The following ERP44 variants were observed in gnomAD, a reference collection of about 807,000 sequenced individuals.
ERP44 encodes the protein endoplasmic reticulum resident protein 44.
A neutral mutation model predicts 53.4 loss-of-function variants in ERP44; 25 were observed. The ratio of observed to expected loss-of-function variants is 0.47; its 90% CI spans 0.34 to 0.65. ERP44 has a LOEUF of 0.65. ERP44 is among the 30% of genes least tolerant of loss of function. The pLI is 0.01. For missense variants in ERP44, 338 were observed against 493.2 expected (o/e 0.69, Z 2.98); for synonymous variants, 145 against 161.2 (o/e 0.90, Z 0.76).
chr9:100,049,658 T>C (rs540078281), intron 4 of ERP44, among the ~76,000 whole-genome samples: 2 of 152,356 alleles, frequency 1.3e-5, no homozygotes, highest in African/African-American at 4.8e-5. Flanking sequence ...TCATGTACTA[T>C]TAGTGGGTAT....
At position 100,097,198 on chromosome 9, in the gene ERP44, T is replaced by A. The variant is rs1826643566; in HGVS notation, c.57+1586A>T. Among the ~76,000 whole-genome samples, 3 of 152,280 alleles carry A rather than the reference T, an allele frequency of 2.0e-5. No homozygotes were observed. In the South Asian group the frequency reaches 6.2e-4, roughly 32 times the overall value. ...AAAACTCATATTTAACAAGATTAGG[T>A]TTTTCTATAAAAAGCATGAGTTATT... On this transcript the variant is annotated intron_variant, in intron 1 of 11. Coordinates refer to ENST00000262455, the MANE Select transcript of ERP44 (RefSeq NM_015051.3).
chr9:99,995,248 T>A (rs1830299075), intron 10 of ERP44, among the ~76,000 whole-genome samples: 1 of 152,202 alleles, frequency 6.6e-6, no homozygotes, highest in Non-Finnish European at 1.5e-5. Flanking sequence ...TTTTAATAAT[T>A]TGTTGGTAAT....
chr9:100,053,604 C>T (rs1218371790), intron 3 of ERP44, among the ~76,000 whole-genome samples: 1 of 152,174 alleles, frequency 6.6e-6, no homozygotes, highest in Non-Finnish European at 1.5e-5. Context: ...ATACTAAATA[C>T]TGTAGGCAAC....
At chr9:100,036,496 A>G (rs1035308578) in intron 4 of ERP44, among the ~76,000 whole-genome samples, 2 of 152,184 alleles carry the variant, frequency 1.3e-5, no homozygotes, top group African/African-American at 4.8e-5. Context: ...ACTACTAGAG[A>G]GAGGCAAAAG....
intron 1 of ERP44, among the ~76,000 whole-genome samples, chr9:100,090,403 T>C (rs774148189): frequency 8.5e-5 from 13 of 152,142 alleles, no homozygotes; most frequent in Non-Finnish European, 1.5e-4. Context: ...CAATGATGTG[T>C]TGGTAATTTT....
intron 4 of ERP44, among the ~76,000 whole-genome samples, chr9:100,046,334 A>C (rs1825969450): frequency 6.6e-6 from 1 of 152,186 alleles, no homozygotes; most frequent in African/African-American, 2.4e-5. Flanking sequence ...CAACAACAAA[A>C]AGATATTAAG....
At chr9:100,004,155 G>A (rs1404504405) in intron 10 of ERP44, among the ~76,000 whole-genome samples, 1 of 152,186 alleles carries the variant, frequency 6.6e-6, no homozygotes, top group Non-Finnish European at 1.5e-5. Flanking sequence ...TGCAGGTGCT[G>A]GCCTGGGGGT....
intron 1 of ERP44, among the ~76,000 whole-genome samples, chr9:100,085,790 T>C (rs1465513146): frequency 1.3e-5 from 2 of 152,140 alleles, no homozygotes; most frequent in Non-Finnish European, 2.9e-5. Context: ...TCTCAGCTAC[T>C]TGGGAGGCTG....
intron 8 of ERP44, among the ~76,000 whole-genome samples, chr9:100,009,701 C>G (rs772598517): frequency 6.6e-5 from 10 of 152,134 alleles, no homozygotes; most frequent in Non-Finnish European, 1.3e-4. Flanking sequence ...AAGCCCAGCT[C>G]CAGTACAAAA....
intron 3 of ERP44, among the ~76,000 whole-genome samples, chr9:100,053,539 T>C (rs147585038): frequency 1.4e-4 from 22 of 152,260 alleles, no homozygotes; most frequent in African/African-American, 5.1e-4. Context: ...ACCTACACTA[T>C]AGGGTATACA....
intron 1 of ERP44, among the ~76,000 whole-genome samples, chr9:100,069,809 A>C (rs1178692785): frequency 1.3e-5 from 2 of 152,148 alleles, no homozygotes; most frequent in Non-Finnish European, 2.9e-5. Flanking sequence ...AAGAAACAAA[A>C]TTTGTTGCAA....
At chr9:100,089,342 G>A (rs1334310192) in intron 1 of ERP44, among the ~76,000 whole-genome samples, 1 of 151,962 alleles carries the variant, frequency 6.6e-6, no homozygotes, top group Non-Finnish European at 1.5e-5. Flanking sequence ...GCACTTTGGA[G>A]GGCCAAGGCA....
chr9:100,087,275 C>G (rs1826495843), intron 1 of ERP44, among the ~76,000 whole-genome samples: 1 of 152,092 alleles, frequency 6.6e-6, no homozygotes, highest in African/African-American at 2.4e-5. Flanking sequence ...ATAACTTATT[C>G]ACTTAACAGT....
intron 4 of ERP44, among the ~76,000 whole-genome samples, chr9:100,047,811 G>T (rs1205826664): frequency 2.0e-5 from 3 of 152,074 alleles, no homozygotes; most frequent in Non-Finnish European, 4.4e-5. Flanking sequence ...TAGAACAGGA[G>T]AATTTATTTG....
At chr9:100,022,740 A>G (rs1052170472) in intron 4 of ERP44, among the ~76,000 whole-genome samples, 4 of 152,230 alleles carry the variant, frequency 2.6e-5, no homozygotes, top group African/African-American at 9.6e-5. Flanking sequence ...AGTACTTACA[A>G]TATTTTGTTT....
At chr9:100,079,122 G>C (rs757326409) in intron 1 of ERP44, among the ~76,000 whole-genome samples, 1 of 152,130 alleles carries the variant, frequency 6.6e-6, no homozygotes. Flanking sequence ...TAACATCTGA[G>C]TCAGTGGGCT....
chr9:100,035,396 A>C (rs1825839897), intron 4 of ERP44, among the ~76,000 whole-genome samples: 1 of 152,166 alleles, frequency 6.6e-6, no homozygotes, highest in Admixed American at 6.6e-5. Flanking sequence ...GAATAACCCC[A>C]TTAAAAAGTA....
chr9:100,014,055 T>C (rs1460931028), intron 8 of ERP44, among the ~76,000 whole-genome samples: 2 of 152,200 alleles, frequency 1.3e-5, no homozygotes, highest in Non-Finnish European at 2.9e-5. Context: ...GATTCCATTT[T>C]AGGTTCAAAA....
chr9:99,985,598 A>C (rs1009261411), intron 10 of ERP44, among the ~76,000 whole-genome samples: 1 of 152,230 alleles, frequency 6.6e-6, no homozygotes, highest in African/African-American at 2.4e-5. Context: ...CTGCAGCCTT[A>C]ACGTAAAGCT....
Sources: gnomAD v4.1 joint callset for allele counts (sites outside exome capture counted in the v4.1 genomes callset) on GRCh38, gnomAD v4.1.1 for gene constraint, MANE v1.5 for transcripts, NCBI Gene and HGNC (gene_info 2026-07-23, HGNC 2026-07-21) for gene names.